UBXN11: variants seen among roughly 807,000 people sequenced by gnomAD.
UBXN11 encodes UBX domain-containing protein 11.
UBXN11 carries 47 observed loss-of-function variants against 62.8 expected under a neutral mutation model. That is an observed-to-expected ratio of 0.75 (90% confidence interval 0.59 to 0.95). The LOEUF is 0.95. UBXN11 is among the 40% of genes least tolerant of loss of function. UBXN11 has a pLI of 0.00. For synonymous variants in UBXN11, 294 were observed against 267.0 expected, an observed-to-expected ratio of 1.10 and a Z score of -0.99; for missense variants, 638 against 661.7, an observed-to-expected ratio of 0.96 and a Z score of 0.39.
At position 26,297,425 on chromosome 1, in the gene UBXN11, A is replaced by G. The variant is rs1419880588; in HGVS notation, c.355+2T>C. On this transcript the variant is annotated splice_donor_variant, in intron 6 of 14. Coordinates refer to ENST00000374222, the MANE Select transcript of UBXN11 (RefSeq NM_001389556.1). LOFTEE classifies it high-confidence loss of function. Reference sequence around the variant, plus strand: ...CAGGTCAGCCCTCCAAGAGCCCCCTACCTGGGTGTGGCCGGAGGGTCTGCA... The same window carrying G: ...CAGGTCAGCCCTCCAAGAGCCCCCTGCCTGGGTGTGGCCGGAGGGTCTGCA... 6.5e-7 allele frequency: 1 copy of G among 1,545,934 alleles called. No individual in the cohort carries two copies. The highest frequency in any genetic ancestry group is 1.2e-5 in the South Asian group (1 of 83,550).
upstream of UBXN11, chr1:26,306,809 G>A (rs950976809): frequency 7.7e-5 from 10 of 130,166 alleles, no homozygotes; most frequent in East Asian, 1.6e-3. Flanking sequence ...CTCTGAGAGG[G>A]CTCCAGGTCC....
chr1:26,307,162 AG>A (rs1443817201), upstream of UBXN11, among the ~76,000 whole-genome samples: 1 of 152,202 alleles, frequency 6.6e-6, no homozygotes, highest in South Asian at 2.1e-4. Context: ...CCCAAATTCT[AG>A]TTCCCTTGTG....
chr1:26,284,711 C>T, intron 10 of UBXN11: 1 of 1,312,258 alleles, frequency 7.6e-7, no homozygotes, highest in Non-Finnish European at 9.7e-7. Context: ...AGCTGCAGTA[C>T]TGACACCCTC....
At chr1:26,294,620 T>C (rs775718858) in intron 7 of UBXN11, among the ~76,000 whole-genome samples, 13 of 152,192 alleles carry the variant, frequency 8.5e-5, no homozygotes, top group Non-Finnish European at 1.6e-4. Flanking sequence ...GCCCAGCCCA[T>C]GCGAGGGCTC....
Position 26,285,286 on chromosome 1 carries a change from C to A in UBXN11, c.852+178G>T. On this transcript the variant is annotated intron_variant, in intron 10 of 14. Coordinates refer to ENST00000374222, the MANE Select transcript of UBXN11 (RefSeq NM_001389556.1). The stretch of plus-strand genomic sequence containing the variant: ...GAGGGCGCTGCCTGCTGCTCTGTTT[C>A]GGGCCTCTCCGCTCCCTTCCCAGCC... 4 of 1,401,798 alleles carry A rather than the reference C, an allele frequency of 2.9e-6. No individual in the cohort carries two copies. The South Asian group carries it at 6.1e-5, about 21-fold the overall frequency. The allele number at this position is 1,401,798 out of a possible 1,614,324, so 86.8% of individuals were successfully genotyped here.
intron 1 of UBXN11, among the ~76,000 whole-genome samples, chr1:26,305,112 G>GT (rs2073633140): frequency 6.6e-6 from 1 of 151,556 alleles, no homozygotes; most frequent in Admixed American, 6.6e-5. Context: ...TTTTTGTTTT[G>GT]TTTTTTGAGA....
At chr1:26,304,486 C>T in intron 1 of UBXN11, among the ~76,000 whole-genome samples, 1 of 152,172 alleles carries the variant, frequency 6.6e-6, no homozygotes, top group Middle Eastern at 3.2e-3. Context: ...GGCACGGTGG[C>T]TTACACCTAT....
chr1:26,288,568 G>A (rs1324845910), intron 8 of UBXN11, among the ~76,000 whole-genome samples: 7 of 152,202 alleles, frequency 4.6e-5, no homozygotes. Context: ...GGCCTGACCC[G>A]TGGATGGAGA....
intron 10 of UBXN11, chr1:26,284,963 G>A (rs370986043): frequency 2.0e-5 from 20 of 999,212 alleles, no homozygotes; most frequent in Admixed American, 5.8e-5. Context: ...TCCCGGACAC[G>A]CCCTCAGTGC....
At chr1:26,282,814 ACGCGGT>A in intron 13 of UBXN11, 25 bp from the exon 14 acceptor site, 1 of 1,613,990 alleles carries the variant, frequency 6.2e-7, no homozygotes, top group Non-Finnish European at 8.5e-7. Context: ...GGCCATCAGC[ACGCGGT>A]GACCCAACGC....
At chr1:26,283,003 A>G in intron 12 of UBXN11, 66 bp from the exon 13 acceptor site, 1 of 1,599,238 alleles carries the variant, frequency 6.3e-7, no homozygotes, top group Non-Finnish European at 8.6e-7. Context: ...CACAAACCTT[A>G]GAGGGACACT....
Position 26,300,991 on chromosome 1 carries a change from C to T in UBXN11, c.134G>A (p.Gly45Asp). ...AGGGACTGAGATCTTTTCTTCTGAG[C>T]CACACCCATCACTCAACATGTCCAC... Reference protein sequence around the residue: ...DEVDMLSDGCGSEEKISVPSC... With the variant: ...DEVDMLSDGCDSEEKISVPSC... The change falls in exon 4 of 15, where the codon GGC becomes GAC. Residue 45 changes from glycine (G) to aspartate (D), a missense_variant. Physicochemically the swap from Gly to Asp is moderately conservative, Grantham distance 94. Coordinates refer to ENST00000374222, the MANE Select transcript of UBXN11 (RefSeq NM_001389556.1). 1.2e-6 allele frequency: 2 copies of T among 1,614,246 alleles called. No individual in the cohort carries two copies. Among genetic ancestry groups the T allele is most frequent in the South Asian group, 2.2e-5 (2 of 91,092 alleles).
upstream of UBXN11, chr1:26,306,834 G>GA (rs534727835): frequency 7.5e-5 from 3 of 40,110 alleles, no homozygotes; most frequent in Admixed American, 5.8e-4. Context: ...CGGGGTGGGG[G>GA]GGGGGGGTGG....
At chr1:26,312,879 T>C (rs1337391007) in intron 1 of UBXN11, among the ~76,000 whole-genome samples, 1 of 143,546 alleles carries the variant, frequency 7.0e-6, no homozygotes, top group African/African-American at 2.6e-5. Context: ...CTCAGGATGC[T>C]GAGGCAGGAG....
chr1:26,291,978 TCCTCTC>T (rs2073278619), intron 8 of UBXN11, among the ~76,000 whole-genome samples: 1 of 152,092 alleles, frequency 6.6e-6, no homozygotes, highest in Admixed American at 6.6e-5. Flanking sequence ...ACTCCTCTGG[TCCTCTC>T]CCTCATGTAA....
At position 26,297,951 on chromosome 1, in the gene UBXN11, T is replaced by G; in HGVS notation, c.300+11A>C. Reference sequence around the variant, plus strand: ...GACCGGCCCCTGGCCCTCTCCCACCTGGAGCCCCACCTTGGACAGTATCTC... The same window carrying G: ...GACCGGCCCCTGGCCCTCTCCCACCGGGAGCCCCACCTTGGACAGTATCTC... On this transcript the variant is annotated intron_variant, in intron 5 of 14. Transcript: ENST00000374222. 6.2e-7 allele frequency: 1 copy of G among 1,612,472 alleles called. No homozygotes were observed.
At position 26,282,453 on chromosome 1, in the gene UBXN11, C is replaced by T. The variant is rs761120137; in HGVS notation, c.1409G>A (p.Arg470Gln). Residue 470 changes from arginine (R) to glutamine (Q), a missense_variant, in exon 15 of 15, where the codon CGG becomes CAG. Transcript: ENST00000374222. ...GLVPKAALLLRARRAPKSSLK... is the reference protein window; with the variant it reads ...GLVPKAALLLQARRAPKSSLK... Reference sequence around the variant, plus strand: ...GCTGGACTTCGGGGCTCGGCGTGCCCGCAGCAGCAGTGCTGCTTTGGGCAC... The same window carrying T: ...GCTGGACTTCGGGGCTCGGCGTGCCTGCAGCAGCAGTGCTGCTTTGGGCAC... The T allele has an allele frequency of 2.4e-5, 38 of 1,611,526 alleles. No homozygotes were observed. Among genetic ancestry groups the T allele is most frequent in the Admixed American group, 1.5e-4 (9 of 59,712 alleles).
Position 26,297,006 on chromosome 1 carries a change from A to C in UBXN11, c.356-11T>G, listed in dbSNP as rs765662997. 1.4e-5 allele frequency: 22 copies of C among 1,595,564 alleles called. No homozygotes were observed. The Admixed American group carries it at 3.8e-4, about 28-fold the overall frequency. On this transcript the variant is annotated splice_polypyrimidine_tract_variant and intron_variant, in intron 6 of 14. Transcript: ENST00000374222. ...GCAGGGTTGCCTCGGCTTCAGGGAA[A>C]GACAGGGACAGGCTTCAGCTGCCCC...
chr1:26,309,476 G>T (rs965664961), upstream of UBXN11, among the ~76,000 whole-genome samples: 1 of 151,688 alleles, frequency 6.6e-6, no homozygotes, highest in Non-Finnish European at 1.5e-5. Context: ...CTGACCTCAT[G>T]ATCTACCCGC....
Sources: allele counts gnomAD v4.1 joint callset (sites outside exome capture counted in the v4.1 genomes callset), GRCh38; gene constraint gnomAD v4.1.1; transcripts MANE v1.5; gene names NCBI Gene and HGNC (gene_info 2026-07-23, HGNC 2026-07-21).